Variants in SLC24A3 observed in about 807,000 individuals in gnomAD.
SLC24A3 encodes the protein sodium/potassium/calcium exchanger 3.
In SLC24A3, 28 loss-of-function variants were observed where a neutral mutation model predicts 75.8. That is an observed-to-expected ratio of 0.37 (90% CI 0.27 to 0.51). SLC24A3 has a LOEUF of 0.51. Ranked by LOEUF, SLC24A3 falls within the 20% of genes least tolerant of loss-of-function variation. The pLI is 0.94. For missense variants in SLC24A3, 663 were observed against 847.8 expected, an observed-to-expected ratio of 0.78 and a Z score of 2.71; for synonymous variants, 372 against 334.1, an observed-to-expected ratio of 1.11 and a Z score of -1.24.
chr20:19,571,082 C>T (rs1302513185), intron 3 of SLC24A3, among the ~76,000 whole-genome samples: 3 of 151,946 alleles, frequency 2.0e-5, no homozygotes, highest in Non-Finnish European at 2.9e-5. Context: ...GATTTGAACC[C>T]AGTGGGTCAC....
intron 6 of SLC24A3, among the ~76,000 whole-genome samples, 165 bp downstream of exon 6, chr20:19,585,709 A>G (rs985986876): frequency 4.6e-5 from 7 of 152,196 alleles, no homozygotes; most frequent in Admixed American, 2.0e-4. Flanking sequence ...TGGCCCAGCT[A>G]GAAGTGGAAA....
At chr20:19,606,075 C>T (rs1007384144) in intron 6 of SLC24A3, among the ~76,000 whole-genome samples, 1 of 152,216 alleles carries the variant, frequency 6.6e-6, no homozygotes, top group African/African-American at 2.4e-5. Context: ...AGAAAGTTGG[C>T]CAAACTGCCA....
intron 2 of SLC24A3, among the ~76,000 whole-genome samples, chr20:19,394,399 C>G (rs1326306878): frequency 1.3e-5 from 2 of 152,078 alleles, no homozygotes; most frequent in East Asian, 3.9e-4. Flanking sequence ...TTAAAAAACA[C>G]TATCAACACA....
chr20:19,551,534 G>A (rs1161187671), intron 3 of SLC24A3, among the ~76,000 whole-genome samples: 2 of 152,182 alleles, frequency 1.3e-5, no homozygotes, highest in African/African-American at 2.4e-5. Flanking sequence ...TCTTCATGGT[G>A]AGTGTAGAGA....
At chr20:19,714,929 G>A (rs2033028471) in intron 15 of SLC24A3, among the ~76,000 whole-genome samples, 1 of 152,220 alleles carries the variant, frequency 6.6e-6, no homozygotes, top group African/African-American at 2.4e-5. Context: ...ACTTTACTAA[G>A]TTCTTGTTGC....
intron 2 of SLC24A3, among the ~76,000 whole-genome samples, chr20:19,339,789 A>G (rs1365304868): frequency 4.6e-5 from 7 of 152,262 alleles, no homozygotes; most frequent in African/African-American, 1.7e-4. Flanking sequence ...GTAACATTTT[A>G]CTAAGCATGT....
chr20:19,709,054 A>G (rs1266757490), intron 15 of SLC24A3, among the ~76,000 whole-genome samples: 2 of 152,204 alleles, frequency 1.3e-5, no homozygotes, highest in Non-Finnish European at 2.9e-5. Flanking sequence ...AAGGCAGCCC[A>G]CAGCGGCTGT....
chr20:19,539,498 T>G (rs2030458928), intron 3 of SLC24A3, among the ~76,000 whole-genome samples: 1 of 152,184 alleles, frequency 6.6e-6, no homozygotes, highest in Non-Finnish European at 1.5e-5. Context: ...ACATCTGCCC[T>G]CATAACACTG....
intron 2 of SLC24A3, among the ~76,000 whole-genome samples, chr20:19,320,142 G>A (rs748004889): frequency 2.6e-5 from 4 of 152,208 alleles, no homozygotes; most frequent in Non-Finnish European, 2.9e-5. Context: ...AGCTGAAGAC[G>A]CGCCAATGTC....
intron 1 of SLC24A3, among the ~76,000 whole-genome samples, chr20:19,272,870 C>T (rs1983373554): frequency 6.6e-6 from 1 of 152,108 alleles, no homozygotes; most frequent in Non-Finnish European, 1.5e-5. Flanking sequence ...TTCCCTGGAG[C>T]TTACAACCTG....
At chr20:19,692,815 G>C (rs1416089005) in intron 12 of SLC24A3, among the ~76,000 whole-genome samples, 1 of 152,156 alleles carries the variant, frequency 6.6e-6, no homozygotes, top group African/African-American at 2.4e-5. Context: ...CGCTGCGTCC[G>C]CTGACGCTTT....
chr20:19,680,055 CTGTGTGCTGTG>C (rs759293240), intron 9 of SLC24A3, among the ~76,000 whole-genome samples: 16 of 148,612 alleles, frequency 1.1e-4, no homozygotes, highest in Non-Finnish European at 2.4e-4. Context: ...CTGTGTGTGT[CTGTGTGCTGTG>C]TGTCTGTGTG....
At chr20:19,498,088 G>A (rs1469771024) in intron 2 of SLC24A3, among the ~76,000 whole-genome samples, 1 of 152,094 alleles carries the variant, frequency 6.6e-6, no homozygotes, top group Non-Finnish European at 1.5e-5. Flanking sequence ...CTGCACATGC[G>A]AGGGATCTAG....
intron 3 of SLC24A3, among the ~76,000 whole-genome samples, chr20:19,552,983 A>AG (rs1372920302): frequency 1.3e-5 from 2 of 151,870 alleles, no homozygotes; most frequent in Non-Finnish European, 2.9e-5. Context: ...TCCCCAGACT[A>AG]GGGACCTCGC....
chr20:19,708,693 A>C (rs1354175616), intron 15 of SLC24A3, among the ~76,000 whole-genome samples: 1 of 152,206 alleles, frequency 6.6e-6, no homozygotes, highest in Non-Finnish European at 1.5e-5. Flanking sequence ...CCTACAAACT[A>C]TCCCCACAGG....
intron 3 of SLC24A3, among the ~76,000 whole-genome samples, chr20:19,518,612 G>T (rs1043736605): frequency 6.6e-6 from 1 of 152,240 alleles, no homozygotes; most frequent in African/African-American, 2.4e-5. Flanking sequence ...AACCAAAGGT[G>T]TTGGTGTTGG....
intron 2 of SLC24A3, among the ~76,000 whole-genome samples, chr20:19,395,041 A>G (rs1440524701): frequency 6.6e-6 from 1 of 152,252 alleles, no homozygotes; most frequent in East Asian, 1.9e-4. Flanking sequence ...TTAAAAAGGA[A>G]GACAATTCTG....
chr20:19,713,759 C>T (rs1279581509), intron 15 of SLC24A3, among the ~76,000 whole-genome samples: 1 of 152,174 alleles, frequency 6.6e-6, no homozygotes, highest in Non-Finnish European at 1.5e-5. Flanking sequence ...ACAGTTTTAA[C>T]GTGGATTAAT....
intron 6 of SLC24A3, among the ~76,000 whole-genome samples, chr20:19,596,601 C>A (rs989889994): frequency 2.0e-5 from 3 of 152,152 alleles, no homozygotes; most frequent in African/African-American, 7.2e-5. Context: ...ACTGGCCCTG[C>A]CCAACCTCCT....
Sources: allele counts gnomAD v4.1 joint callset (sites outside exome capture counted in the v4.1 genomes callset), GRCh38; gene constraint gnomAD v4.1.1; transcripts MANE v1.5; gene names NCBI Gene and HGNC (gene_info 2026-07-23, HGNC 2026-07-21).